KIDINS220: variants seen among roughly 807,000 people sequenced by gnomAD.
The protein encoded by KIDINS220 is kinase D interacting substrate 220.
In KIDINS220, 63 loss-of-function variants were observed where a neutral mutation model predicts 157.6. The observed-to-expected ratio is 0.40, with a 90% CI of 0.33 to 0.49. The LOEUF (loss-of-function observed/expected upper bound fraction) is 0.49, where lower values mean the gene tolerates loss of function less well. KIDINS220 is among the 20% of genes least tolerant of loss of function. KIDINS220 has a pLI of 0.66. For missense variants in KIDINS220, 1,772 were observed against 2,171.2 expected (o/e 0.82, Z 3.65); for synonymous variants, 732 against 783.6 (o/e 0.93, Z 1.10).
At chr2:8,811,295 GAAA>G (rs34199182) in intron 6 of KIDINS220, among the ~76,000 whole-genome samples, 1 of 139,586 alleles carries the variant, frequency 7.2e-6, no homozygotes, top group Admixed American at 7.1e-5. Flanking sequence ...TACAAAATGG[GAAA>G]AAAAAAAAAA....
intron 1 of KIDINS220, among the ~76,000 whole-genome samples, chr2:8,828,273 T>C (rs1404891617): frequency 2.0e-5 from 3 of 152,162 alleles, no homozygotes; most frequent in Admixed American, 2.0e-4. Context: ...GCACACGGCT[T>C]ACCCCCTGAC....
intron 17 of KIDINS220, 93 bp downstream of exon 17, chr2:8,785,648 C>A (rs149682447): frequency 2.9e-6 from 3 of 1,021,406 alleles, no homozygotes; most frequent in Non-Finnish European, 4.4e-6. Flanking sequence ...AACACTTTAA[C>A]ATTTAGAGAG....
At chr2:8,786,407 A>G in intron 15 of KIDINS220, 50 bp from the exon 16 acceptor site, 1 of 1,373,156 alleles carries the variant, frequency 7.3e-7, no homozygotes, top group Non-Finnish European at 1.0e-6. Context: ...AAAGTAACAA[A>G]TAACTTCAAT....
rs368903999 is a variant in KIDINS220, at chr2:8,770,682, G to A, written c.2999C>T (p.Thr1000Ile). ...TCACAAAAGGTACCTTTCGTAGATGGTTTTTAATGTCATTTGATCTGGAAT... is the reference window on the plus strand; with the variant it reads ...TCACAAAAGGTACCTTTCGTAGATGATTTTTAATGTCATTTGATCTGGAAT... ...EGIPDQMTLK[T>I]IYERISKNIP... is the part of the protein sequence containing the mutation. Residue 1000 changes from threonine (T) to isoleucine (I), a missense_variant, in exon 22 of 30, where the codon ACC becomes ATC. By Grantham distance (89) the Thr-to-Ile change is moderately conservative. Around this residue, in one of 3 missense-constraint regions of KIDINS220, gnomAD observed 725 missense variants for 1,017.1 expected, o/e 0.71. Transcript: ENST00000256707. 43 of 1,597,026 alleles carry A rather than the reference G, an allele frequency of 2.7e-5. No individual in the cohort carries two copies. In the African/African-American group the frequency reaches 5.0e-4, roughly 19 times the overall value.
At chr2:8,728,801 G>A, downstream of KIDINS220, 1 of 968,484 alleles carries the variant, frequency 1.0e-6, no homozygotes, top group Non-Finnish European at 1.2e-6. Context: ...TCTGCCAACT[G>A]CATGACTGTA....
intron 22 of KIDINS220, among the ~76,000 whole-genome samples, chr2:8,768,260 A>C (rs1292741431): frequency 2.6e-5 from 4 of 151,688 alleles, no homozygotes; most frequent in Non-Finnish European, 5.9e-5. Context: ...AAAAAAAAAA[A>C]CTCTCAAATG....
chr2:8,829,841 C>T (rs1325412053), intron 1 of KIDINS220, among the ~76,000 whole-genome samples: 3 of 151,942 alleles, frequency 2.0e-5, no homozygotes, highest in African/African-American at 7.3e-5. Context: ...TCACCAACAC[C>T]TACCTTCATT....
Position 8,729,207 on chromosome 2 carries a change from T to A in KIDINS220, c.*1513A>T, listed in dbSNP as rs932972859. The A allele has an allele frequency of 5.1e-6, 5 of 984,860 alleles. No homozygotes were observed. In the Admixed American group the frequency reaches 3.1e-4, roughly 61 times the overall value. The allele number at this position is 984,860 out of a possible 1,614,324, so 61.0% of individuals were successfully genotyped here. A position where few individuals can be genotyped will look rare whatever the true frequency, so the allele number is the denominator to read the frequency against. The stretch of plus-strand genomic sequence containing the variant: ...GTTAAAGATCATGCAAAATAAACAC[T>A]GTATTAAAATGCTAGATTACACTCA... On this transcript the variant is annotated 3_prime_UTR_variant, in exon 30 of 30. Transcript: ENST00000256707.
rs533260647 is a variant in KIDINS220, at chr2:8,751,267, T to G, written c.3190+199A>C. On this transcript the variant is annotated intron_variant, in intron 23 of 29. Transcript: ENST00000256707. ...ACTAACAGGATTTTCTTTTTTTTTT[T>G]TTTTGTTTTTGTTTTTCTTAACATT... Among the ~76,000 whole-genome samples, 53 of 151,814 alleles carry G rather than the reference T, an allele frequency of 3.5e-4. 1 individual carries two copies. The South Asian group carries it at 9.6e-3, about 27-fold the overall frequency.
intron 2 of KIDINS220, chr2:8,825,691 C>T (rs1678677036): frequency 6.6e-6 from 1 of 152,200 alleles, no homozygotes; most frequent in African/African-American, 2.4e-5. Context: ...TTCTAAGAGA[C>T]AGGGTTGTTT....
downstream of KIDINS220, chr2:8,724,949 T>C (rs1012048095): frequency 6.6e-6 from 1 of 152,240 alleles, no homozygotes; most frequent in Non-Finnish European, 1.5e-5. The surrounding 1 kb of genome is among the most constrained non-coding windows in gnomAD (Gnocchi z 4.6). Context: ...ATTTACTGAA[T>C]GTCCACTGGC....
At chr2:8,726,294 T>C (rs1270657781), downstream of KIDINS220, among the ~76,000 whole-genome samples, 2 of 152,220 alleles carry the variant, frequency 1.3e-5, no homozygotes, top group African/African-American at 4.8e-5. Context: ...AAAGTCCTCG[T>C]CATGAAACAT....
chr2:8,755,086 C>G (rs1361950770), intron 22 of KIDINS220, among the ~76,000 whole-genome samples: 1 of 152,236 alleles, frequency 6.6e-6, no homozygotes, highest in Non-Finnish European at 1.5e-5. Context: ...AAAACAGCCA[C>G]TTGGCATTGC....
In KIDINS220 at chr2:8,731,667, C is replaced by A. The variant is rs201478192; in HGVS notation, c.4369G>T (p.Val1457Phe). The change falls in exon 30 of 30, where the codon GTT becomes TTT. Residue 1457 changes from valine to phenylalanine, a missense_variant. By Grantham distance (50) the Val-to-Phe change is conservative. This residue lies in a region of KIDINS220 where 793 missense variants were observed against 885.5 expected (regional missense o/e 0.90). Coordinates refer to ENST00000256707, the MANE Select transcript of KIDINS220 (RefSeq NM_020738.4). This position sits in a 1 kb window ranked among gnomAD's most constrained non-coding sequence, Gnocchi z 5.2. ...RKSFLMKRGD[V>F]IDYSSSGVST... ...ACCCCTGATGATGAATAATCGATAACATCTCCCCTCTTCATTAGAAAGGAC... is the reference window on the plus strand; with the variant it reads ...ACCCCTGATGATGAATAATCGATAAAATCTCCCCTCTTCATTAGAAAGGAC... 2.3e-4 allele frequency: 376 copies of A among 1,614,196 alleles called. 1 individual carries two copies. The highest frequency in any genetic ancestry group is 1.5e-3 in the Middle Eastern group (9 of 6,062).
At position 8,785,970 on chromosome 2, in the gene KIDINS220, A is replaced by G. The variant is rs139252608; in HGVS notation, c.2000T>C (p.Ile667Thr). 1.9e-5 allele frequency: 31 copies of G among 1,613,038 alleles called. No homozygotes were observed. The African/African-American group carries it at 3.1e-4, about 16-fold the overall frequency. ...LPSFVIFLFI[I>T]GCIISGITLL... ...AGTAATTCCAGATATAATGCAGCCAATGATAAAAAGGAAGATGACAAAAGA... is the reference window on the plus strand; with the variant it reads ...AGTAATTCCAGATATAATGCAGCCAGTGATAAAAAGGAAGATGACAAAAGA... The change falls in exon 17 of 30, where the codon ATT becomes ACT. Residue 667 changes from isoleucine to threonine, a missense_variant. Coordinates refer to ENST00000256707, the MANE Select transcript of KIDINS220 (RefSeq NM_020738.4).
chr2:8,732,143 T>C (rs1664215367), intron 29 of KIDINS220, among the ~76,000 whole-genome samples, 161 bp from the exon 30 acceptor site: 1 of 152,254 alleles, frequency 6.6e-6, no homozygotes, highest in African/African-American at 2.4e-5. Context: ...ACAAAAGCTG[T>C]GACCTTATAA....
intron 22 of KIDINS220, among the ~76,000 whole-genome samples, chr2:8,751,895 G>T (rs7608608): frequency 0.11 from 16,529 of 152,108 alleles, 972 homozygotes; most frequent in Middle Eastern, 0.2. Flanking sequence ...AGTAGAGACG[G>T]GGTTTCACCA....
rs1664103378 is a variant in KIDINS220, at chr2:8,731,613, G to A, written c.4423C>T (p.Pro1475Ser). 2 of 1,614,160 alleles carry A rather than the reference G, an allele frequency of 1.2e-6. No homozygotes were observed. The highest frequency in any genetic ancestry group is 2.2e-5 in the East Asian group (1 of 44,888). Reference protein sequence around the residue: ...VSTNDASPLDPITEEDEKSDQ... With the variant: ...VSTNDASPLDSITEEDEKSDQ... ...GATTTTTCATCTTCTTCAGTGATAG[G>A]ATCCAGGGGGGAAGCATCGTTGGTG... The change falls in exon 30 of 30, where the codon CCT becomes TCT. Residue 1475 changes from proline to serine, a missense_variant. Pro to Ser is a moderately conservative substitution (Grantham distance 74, BLOSUM62 -1). Transcript: ENST00000256707. The surrounding 1 kb of genome is among the most constrained non-coding windows in gnomAD (Gnocchi z 5.2).
At chr2:8,802,425 T>C (rs1411166867) in intron 8 of KIDINS220, among the ~76,000 whole-genome samples, 2 of 152,128 alleles carry the variant, frequency 1.3e-5, no homozygotes, top group African/African-American at 4.8e-5. Context: ...CAAAGCCTGC[T>C]GGAGGGCAGA....
Sources: gnomAD v4.1 joint callset for allele counts (sites outside exome capture counted in the v4.1 genomes callset) on GRCh38, gnomAD v4.1.1 for gene constraint, gnomAD v4.1.1 regional missense constraint, Gnocchi (gnomAD v3.1) non-coding constraint, MANE v1.5 for transcripts, NCBI Gene and HGNC (gene_info 2026-07-23, HGNC 2026-07-21) for gene names.